FZD3: variants seen among roughly 807,000 people sequenced by gnomAD.
FZD3 encodes the protein frizzled-3.
A neutral mutation model predicts 60.7 loss-of-function variants in FZD3; 30 were observed. The ratio of observed to expected loss-of-function variants is 0.49; its 90% confidence interval spans 0.37 to 0.67. FZD3 has a LOEUF of 0.67. Among genes scored for constraint, FZD3 ranks in the 30% least tolerant of loss-of-function variants. The pLI, the probability that FZD3 is intolerant of heterozygous loss-of-function variation, is 0.00. For missense variants in FZD3, 605 were observed against 838.7 expected (o/e 0.72, Z 3.44); for synonymous variants, 246 against 275.2 (o/e 0.89, Z 1.05).
At chr8:28,559,090 A>T (rs1421864115) in intron 7 of FZD3, among the ~76,000 whole-genome samples, 1 of 152,216 alleles carries the variant, frequency 6.6e-6, no homozygotes, top group African/African-American at 2.4e-5. Flanking sequence ...AGGGTGAATG[A>T]ACAGTAAAAG....
At chr8:28,555,609 TGTCA>T (rs1805493658) in intron 6 of FZD3, 125 bp from the exon 7 acceptor site, 3 of 642,484 alleles carry the variant, frequency 4.7e-6, no homozygotes, top group Admixed American at 2.7e-5. Flanking sequence ...TGTTTCTTCA[TGTCA>T]GTCCTATAGA....
intron 1 of FZD3, among the ~76,000 whole-genome samples, chr8:28,495,629 G>A (rs1268723741): frequency 6.6e-6 from 1 of 152,120 alleles, no homozygotes; most frequent in African/African-American, 2.4e-5. Flanking sequence ...CTATTATTAA[G>A]AAGTGGTTAC....
At chr8:28,544,386 T>C (rs1210295240) in intron 5 of FZD3, among the ~76,000 whole-genome samples, 2 of 152,156 alleles carry the variant, frequency 1.3e-5, no homozygotes, top group Non-Finnish European at 2.9e-5. Flanking sequence ...TTATTGTGTT[T>C]TCTATCTAGT....
chr8:28,538,098 CAA>C (rs1424616026), intron 5 of FZD3, among the ~76,000 whole-genome samples: 4 of 151,010 alleles, frequency 2.6e-5, no homozygotes, highest in Admixed American at 1.3e-4. Context: ...GCCTGGGCGA[CAA>C]GAGTGAAACT....
At chr8:28,542,680 C>G (rs1455040760) in intron 5 of FZD3, among the ~76,000 whole-genome samples, 2 of 152,010 alleles carry the variant, frequency 1.3e-5, no homozygotes, top group African/African-American at 4.8e-5. Flanking sequence ...TGCCCATCCA[C>G]TACCACACCA....
Position 28,568,752 on chromosome 8 carries a change from C to A in FZD3, c.*5741C>A, listed in dbSNP as rs1281617290. On this transcript the variant is annotated 3_prime_UTR_variant, in exon 8 of 8. Transcript: ENST00000240093. ...AGTCAAACACCAAACCACTGCATTA[C>A]TTACTTCCTATAAGACACAGTAGTT... 6.6e-6 allele frequency: 1 copy of A among 152,104 alleles called. No homozygotes were observed. Among genetic ancestry groups the A allele is most frequent in the African/African-American group, 2.4e-5 (1 of 41,442 alleles). The allele number at this position is 152,104 out of a possible 1,614,324, so 9.4% of individuals were successfully genotyped here. A position where few individuals can be genotyped will look rare whatever the true frequency, so the allele number is the denominator to read the frequency against.
chr8:28,570,866 A>C lies in FZD3; in HGVS notation c.*7855A>C, dbSNP rs918808240. On this transcript the variant is annotated 3_prime_UTR_variant, in exon 8 of 8. Coordinates refer to ENST00000240093, the MANE Select transcript of FZD3 (RefSeq NM_017412.4). ...AGAATAGTGGAAAGTTGATATAGGA[A>C]GGTATACTGGTTTCTGGTGTGATTC... 5 of 152,016 alleles carry C rather than the reference A, an allele frequency of 3.3e-5. No individual in the cohort carries two copies. Among genetic ancestry groups the C allele is most frequent in the Non-Finnish European group, 7.4e-5 (5 of 68,004 alleles). 9.4% of individuals were successfully genotyped at this position (152,016 alleles called of 1,614,324 possible).
At chr8:28,534,027 T>C (rs1311668247) in intron 5 of FZD3, among the ~76,000 whole-genome samples, 1 of 152,220 alleles carries the variant, frequency 6.6e-6, no homozygotes, top group Non-Finnish European at 1.5e-5. Flanking sequence ...TGATTGCTGA[T>C]ATCCACAACA....
intron 5 of FZD3, among the ~76,000 whole-genome samples, chr8:28,530,925 A>G (rs1398926580): frequency 1.3e-5 from 2 of 152,144 alleles, no homozygotes; most frequent in Non-Finnish European, 2.9e-5. Flanking sequence ...CTATTTTTTA[A>G]AATGTTTCCT....
chr8:28,497,817 C>G (rs1356783744), intron 1 of FZD3, among the ~76,000 whole-genome samples: 1 of 152,166 alleles, frequency 6.6e-6, no homozygotes, highest in Non-Finnish European at 1.5e-5. Flanking sequence ...AGCCTGCTTT[C>G]CTCTTCACAG....
chr8:28,523,228 G>A (rs901934190), intron 4 of FZD3, among the ~76,000 whole-genome samples: 10 of 152,106 alleles, frequency 6.6e-5, no homozygotes, highest in African/African-American at 1.2e-4. Context: ...TGGTTTGGGC[G>A]CTGGAGAGTC....
chr8:28,509,706 G>A (rs1178385612), intron 3 of FZD3, among the ~76,000 whole-genome samples: 1 of 152,072 alleles, frequency 6.6e-6, no homozygotes, highest in Non-Finnish European at 1.5e-5. Flanking sequence ...GCCCTTTTGC[G>A]ACTGGCTTAT....
At position 28,551,677 on chromosome 8, in the gene FZD3, C is replaced by T; in HGVS notation, c.1479C>T (p.Pro493=). 3 of 1,612,096 alleles carry T rather than the reference C, an allele frequency of 1.9e-6. No individual in the cohort carries two copies. Among genetic ancestry groups the T allele is most frequent in the Non-Finnish European group, 2.5e-6 (3 of 1,178,496 alleles). The stretch of plus-strand genomic sequence containing the variant: ...TGATGGCTCTCATAGTTGGCATTCC[C>T]TCTGTATTTTGGGTTGGAAGCAAAA... ...KYLMALIVGI[P]SVFWVGSKKT... The change falls in exon 6 of 8, where the codon CCC becomes CCT. Residue 493 remains proline (P), a synonymous_variant. Transcript: ENST00000240093.
intron 5 of FZD3, among the ~76,000 whole-genome samples, chr8:28,529,033 A>G (rs983938417): frequency 9.2e-5 from 14 of 152,070 alleles, no homozygotes; most frequent in African/African-American, 3.4e-4. Flanking sequence ...CTCCTGCCTC[A>G]GCCTCCCAAT....
intron 3 of FZD3, among the ~76,000 whole-genome samples, chr8:28,511,270 G>A (rs1424153611): frequency 4.6e-5 from 7 of 152,060 alleles, no homozygotes; most frequent in African/African-American, 2.4e-5. Context: ...GGCGGATCAC[G>A]AGGTCAAGAG....
intron 4 of FZD3, among the ~76,000 whole-genome samples, chr8:28,525,348 A>T (rs973728640): frequency 1.6e-4 from 24 of 152,366 alleles, no homozygotes; most frequent in African/African-American, 5.8e-4. Flanking sequence ...TGATAGGGAT[A>T]CAATATAGGA....
chr8:28,552,541 C>CT (rs1805432284), intron 6 of FZD3, among the ~76,000 whole-genome samples: 1 of 152,072 alleles, frequency 6.6e-6, no homozygotes, highest in Admixed American at 6.5e-5. Flanking sequence ...ATCACAAACT[C>CT]TAAGTTAGTG....
intron 7 of FZD3, among the ~76,000 whole-genome samples, chr8:28,558,283 A>G (rs1030756480): frequency 6.6e-6 from 1 of 152,230 alleles, no homozygotes; most frequent in East Asian, 1.9e-4. Flanking sequence ...AAGTTTCTAC[A>G]GTAATTTAGG....
At chr8:28,500,129 G>A (rs1383058590) in intron 2 of FZD3, among the ~76,000 whole-genome samples, 151 bp downstream of exon 2, 2 of 152,138 alleles carry the variant, frequency 1.3e-5, no homozygotes, top group African/African-American at 2.4e-5. Context: ...ATGTCTCACT[G>A]AATTCCACTG....
Sources: gnomAD v4.1 joint callset for allele counts (sites outside exome capture counted in the v4.1 genomes callset) on GRCh38, gnomAD v4.1.1 for gene constraint, MANE v1.5 for transcripts, NCBI Gene and HGNC (gene_info 2026-07-23, HGNC 2026-07-21) for gene names.